The following GMDS variants were observed in gnomAD, a reference collection of about 807,000 sequenced individuals.
The protein encoded by GMDS is GDP-mannose 4,6 dehydratase.
GMDS carries 20 observed loss-of-function variants against 49.9 expected under a neutral mutation model. The observed-to-expected ratio is 0.40, with a 90% CI of 0.28 to 0.58. GMDS has a LOEUF of 0.58. Among genes scored for constraint, GMDS ranks in the 20% least tolerant of loss-of-function variants. The pLI is 0.42. For missense variants in GMDS, 362 were observed against 481.4 expected, an observed-to-expected ratio of 0.75 and a Z score of 2.32; for synonymous variants, 177 against 178.6, an observed-to-expected ratio of 0.99 and a Z score of 0.07.
chr6:1,711,784 C>A (rs1765974945), intron 9 of GMDS, among the ~76,000 whole-genome samples: 1 of 152,160 alleles, frequency 6.6e-6, no homozygotes, highest in South Asian at 2.1e-4. Flanking sequence ...GCCATCTTTT[C>A]CGTCCGATTT....
At chr6:1,627,943 G>A (rs1581385700) in intron 9 of GMDS, among the ~76,000 whole-genome samples, 2 of 152,176 alleles carry the variant, frequency 1.3e-5, no homozygotes, top group East Asian at 3.8e-4. Context: ...ATTCAATTAG[G>A]TTTCACTGAG....
At chr6:1,977,603 C>T (rs1764981359) in intron 4 of GMDS, among the ~76,000 whole-genome samples, 1 of 152,132 alleles carries the variant, frequency 6.6e-6, no homozygotes, top group Non-Finnish European at 1.5e-5. Context: ...AACAACTCAA[C>T]CCATGGAGAA....
intron 1 of GMDS, among the ~76,000 whole-genome samples, chr6:2,209,135 C>A (rs185739707): frequency 2.5e-4 from 38 of 152,226 alleles, no homozygotes; most frequent in African/African-American, 8.4e-4. Flanking sequence ...ACTCCATAAT[C>A]AGACTTCTTA....
intron 1 of GMDS, among the ~76,000 whole-genome samples, chr6:2,226,456 T>C (rs1051567756): frequency 6.6e-6 from 1 of 152,344 alleles, no homozygotes; most frequent in African/African-American, 2.4e-5. Flanking sequence ...AATTAATTTT[T>C]TTAATCCAGT....
intron 7 of GMDS, among the ~76,000 whole-genome samples, chr6:1,787,806 G>C (rs1581181574): frequency 6.6e-6 from 1 of 152,188 alleles, no homozygotes; most frequent in East Asian, 1.9e-4. Flanking sequence ...AATATTTTTT[G>C]TGGGACACAC....
intron 4 of GMDS, among the ~76,000 whole-genome samples, chr6:2,088,380 T>C (rs1047923461): frequency 6.6e-6 from 1 of 152,174 alleles, no homozygotes; most frequent in African/African-American, 2.4e-5. Flanking sequence ...TTTGCCTGTA[T>C]CATAGGATTG....
intron 6 of GMDS, among the ~76,000 whole-genome samples, chr6:1,953,790 GA>G (rs1763484650): frequency 6.6e-6 from 1 of 151,916 alleles, no homozygotes; most frequent in Non-Finnish European, 1.5e-5. Context: ...TATTTGAAAA[GA>G]AACTAATATA....
chr6:2,047,562 C>T (rs1240026179), intron 4 of GMDS, among the ~76,000 whole-genome samples: 3 of 151,766 alleles, frequency 2.0e-5, no homozygotes, highest in Admixed American at 6.6e-5. Flanking sequence ...GATCTCAGCT[C>T]GCTGCAACCT....
chr6:1,998,079 T>C (rs923356930), intron 4 of GMDS, among the ~76,000 whole-genome samples: 3 of 151,934 alleles, frequency 2.0e-5, no homozygotes, highest in African/African-American at 7.3e-5. Flanking sequence ...GGCAAACAAA[T>C]AAACATCGGG....
intron 4 of GMDS, among the ~76,000 whole-genome samples, chr6:1,969,218 T>C (rs1226876753): frequency 1.7e-5 from 2 of 115,456 alleles, no homozygotes; most frequent in African/African-American, 6.8e-5. Flanking sequence ...GCTGAGATTG[T>C]GCCACTGCAC....
At chr6:1,930,268 A>G (rs1426999940) in intron 6 of GMDS, 38 bp from the exon 7 acceptor site, 1 of 1,587,826 alleles carries the variant, frequency 6.3e-7, no homozygotes, top group Admixed American at 1.7e-5. Flanking sequence ...AGTCAAGTGC[A>G]CTTGACACAT....
intron 9 of GMDS, among the ~76,000 whole-genome samples, chr6:1,651,860 C>T (rs1763662126): frequency 6.6e-6 from 1 of 152,168 alleles, no homozygotes; most frequent in Admixed American, 6.5e-5. Context: ...AAAAGTATAG[C>T]TGCCCAAATG....
intron 9 of GMDS, among the ~76,000 whole-genome samples, chr6:1,697,240 T>C (rs1765375935): frequency 6.6e-6 from 1 of 152,294 alleles, no homozygotes; most frequent in South Asian, 2.1e-4. Context: ...AAACTCTAAG[T>C]GTCCTGTGGA....
intron 1 of GMDS, among the ~76,000 whole-genome samples, chr6:2,125,246 T>A (rs926510926): frequency 3.3e-5 from 5 of 152,020 alleles, no homozygotes; most frequent in African/African-American, 7.3e-5. Flanking sequence ...GAGAATAGCC[T>A]GAGCAACACA....
rs116123844 is a variant in GMDS at position 2,122,423 on chromosome 6, C to T, written c.147+2264G>A. On this transcript the variant is annotated intron_variant, in intron 2 of 10. Coordinates refer to ENST00000380815, the MANE Select transcript of GMDS (RefSeq NM_001500.4). Reference sequence around the variant, plus strand: ...GATGTTGACCACCACCACTGCCCCCCACCCCGAGTTCACACGTAATAAAAT... The same window carrying T: ...GATGTTGACCACCACCACTGCCCCCTACCCCGAGTTCACACGTAATAAAAT... Among the ~76,000 whole-genome samples the T allele has an allele frequency of 5.4e-3, 829 of 152,276 alleles. 2 individuals carry two copies. Among genetic ancestry groups the T allele is most frequent in the Middle Eastern group, 0.014 (4 of 294 alleles).
chr6:1,895,707 C>T (rs57347378), intron 7 of GMDS, among the ~76,000 whole-genome samples: 18,864 of 152,106 alleles, frequency 0.12, 1,735 homozygotes, highest in African/African-American at 0.26. Context: ...TGAACATGCA[C>T]GCCAGTTATG....
At chr6:1,931,517 C>T (rs561079823) in intron 6 of GMDS, among the ~76,000 whole-genome samples, 1 of 152,282 alleles carries the variant, frequency 6.6e-6, no homozygotes, top group East Asian at 1.9e-4. Context: ...AAAGTTTCAA[C>T]TTTCCACAGA....
intron 7 of GMDS, among the ~76,000 whole-genome samples, chr6:1,853,513 G>A (rs1251689702): frequency 7.8e-4 from 75 of 95,696 alleles, no homozygotes; most frequent in African/African-American, 2.6e-3. Context: ...GCGAGACTCC[G>A]TCTCAAAAAA....
intron 1 of GMDS, among the ~76,000 whole-genome samples, chr6:2,168,752 TG>T (rs1220776044): frequency 2.0e-5 from 3 of 152,242 alleles, no homozygotes; most frequent in Non-Finnish European, 4.4e-5. Flanking sequence ...ATAAGGACTC[TG>T]TTTCTAAACA....
Sources: allele counts gnomAD v4.1 joint callset (sites outside exome capture counted in the v4.1 genomes callset), GRCh38; gene constraint gnomAD v4.1.1; transcripts MANE v1.5; gene names NCBI Gene and HGNC (gene_info 2026-07-23, HGNC 2026-07-21).